PDE4D: variants seen among roughly 807,000 people sequenced by gnomAD.
PDE4D encodes the protein 3',5'-cyclic-AMP phosphodiesterase 4D.
Under a neutral mutation model 87.4 loss-of-function variants are expected in PDE4D, and 24 were observed. The observed-to-expected ratio is 0.27, with a 90% CI of 0.20 to 0.39. The LOEUF is 0.39. PDE4D is among the 10% of genes least tolerant of loss of function. PDE4D has a pLI of 1.00. For synonymous variants in PDE4D, 384 were observed against 383.2 expected (o/e 1.00, Z -0.02); for missense variants, 714 against 1,041.0 (o/e 0.69, Z 4.32).
intron 2 of PDE4D, among the ~76,000 whole-genome samples, chr5:60,077,347 G>T (rs1012634940): frequency 2.0e-5 from 3 of 152,194 alleles, no homozygotes; most frequent in Non-Finnish European, 4.4e-5. Context: ...GTGGCCATTG[G>T]TGAGTATGTG....
chr5:59,218,780 T>A (rs990468210), intron 1 of PDE4D, among the ~76,000 whole-genome samples: 2 of 151,978 alleles, frequency 1.3e-5, no homozygotes, highest in African/African-American at 4.8e-5. Context: ...ATTGATAAAA[T>A]TACATTAATC....
chr5:59,747,676 T>C (rs917751141), intron 1 of PDE4D, among the ~76,000 whole-genome samples: 1 of 152,162 alleles, frequency 6.6e-6, no homozygotes, highest in Non-Finnish European at 1.5e-5. Context: ...TAAGAGACAC[T>C]TTTCATACAC....
intron 2 of PDE4D, among the ~76,000 whole-genome samples, chr5:60,049,494 G>C (rs1420365498): frequency 6.6e-6 from 1 of 152,164 alleles, no homozygotes; most frequent in Non-Finnish European, 1.5e-5. Context: ...CATTTTTGTG[G>C]TTTTATCTAC....
At chr5:59,490,026 T>A (rs1339628619) in intron 1 of PDE4D, among the ~76,000 whole-genome samples, 2 of 152,198 alleles carry the variant, frequency 1.3e-5, no homozygotes, top group Admixed American at 6.5e-5. Context: ...AACATTTTAA[T>A]TGTTTATTAC....
intron 2 of PDE4D, among the ~76,000 whole-genome samples, chr5:60,103,059 T>C (rs1209137481): frequency 2.0e-5 from 3 of 151,364 alleles, no homozygotes; most frequent in Admixed American, 6.6e-5. Context: ...TTATAGAAAA[T>C]TCTCAGAGAA....
chr5:59,072,344 A>G (rs1031546155), intron 5 of PDE4D, among the ~76,000 whole-genome samples: 34 of 152,214 alleles, frequency 2.2e-4, no homozygotes, highest in Non-Finnish European at 1.5e-5. Flanking sequence ...CATTCAACAA[A>G]TATTTGAGCA....
chr5:59,322,486 G>T (rs554853711), intron 1 of PDE4D, among the ~76,000 whole-genome samples: 1 of 152,166 alleles, frequency 6.6e-6, no homozygotes, highest in South Asian at 2.1e-4. Context: ...ACAAATGGAG[G>T]TTACTCTCCT....
At chr5:59,787,318 T>C (rs1765283154) in intron 1 of PDE4D, among the ~76,000 whole-genome samples, 1 of 152,216 alleles carries the variant, frequency 6.6e-6, no homozygotes, top group African/African-American at 2.4e-5. Context: ...CGACATGCCA[T>C]GTCCATTTAA....
At chr5:59,571,317 G>A (rs1008297426) in intron 1 of PDE4D, among the ~76,000 whole-genome samples, 1 of 152,232 alleles carries the variant, frequency 6.6e-6, no homozygotes, top group Non-Finnish European at 1.5e-5. Flanking sequence ...TTGGTGTGAA[G>A]ACTCAGGTAC....
At position 59,291,738 on chromosome 5, in the gene PDE4D, G is replaced by GTTT. The variant is rs57769300; in HGVS notation, c.456-75773_456-75771dup. Among the ~76,000 whole-genome samples, 53 of 125,590 alleles carry GTTT rather than the reference G, an allele frequency of 4.2e-4. 4 individuals are homozygous for GTTT. The highest frequency in any genetic ancestry group is 1.7e-3 in the South Asian group (7 of 4,114). 82.4% of individuals were successfully genotyped at this position (125,590 alleles called of 152,430 possible). On this transcript the variant is annotated intron_variant, in intron 1 of 14. Coordinates refer to ENST00000340635, the MANE Select transcript of PDE4D (RefSeq NM_001104631.2). ...TAAAAATTAAAAAAAGTAAAAAGAA[G>GTTT]TTTTTTTTTTTTTTTTTTGAATGGA...
At chr5:59,594,119 C>T (rs1244262058) in intron 1 of PDE4D, among the ~76,000 whole-genome samples, 8 of 148,918 alleles carry the variant, frequency 5.4e-5, no homozygotes, top group African/African-American at 1.7e-4. Flanking sequence ...TTCCAGCCCA[C>T]GTTAGCCATT....
At chr5:59,343,601 G>A (rs1779132289) in intron 1 of PDE4D, among the ~76,000 whole-genome samples, 1 of 152,142 alleles carries the variant, frequency 6.6e-6, no homozygotes, top group Non-Finnish European at 1.5e-5. Context: ...ATGAATTATT[G>A]AATTGGATAT....
intron 1 of PDE4D, among the ~76,000 whole-genome samples, chr5:59,498,223 G>A (rs1807581696): frequency 6.6e-6 from 1 of 151,414 alleles, no homozygotes; most frequent in South Asian, 2.1e-4. Flanking sequence ...TACCATGAAA[G>A]CACATGCAAG....
chr5:59,337,157 A>G (rs561769241), intron 1 of PDE4D, among the ~76,000 whole-genome samples: 1 of 152,316 alleles, frequency 6.6e-6, no homozygotes, highest in African/African-American at 2.4e-5. Flanking sequence ...TCAAAACCTG[A>G]GCTCCTGCAG....
chr5:59,785,341 C>T (rs1765062367), intron 1 of PDE4D, among the ~76,000 whole-genome samples: 1 of 152,126 alleles, frequency 6.6e-6, no homozygotes, highest in South Asian at 2.1e-4. Flanking sequence ...AAAATTCTGA[C>T]CATAATATTT....
At chr5:59,461,668 C>G (rs537708699) in intron 1 of PDE4D, among the ~76,000 whole-genome samples, 5 of 152,250 alleles carry the variant, frequency 3.3e-5, no homozygotes, top group Admixed American at 1.3e-4. Context: ...TCAGTTCAGT[C>G]AAAATGTTGT....
At chr5:60,400,477 T>G (rs11741484) in intron 1 of PDE4D, among the ~76,000 whole-genome samples, 1 of 118,666 alleles carries the variant, frequency 8.4e-6, no homozygotes, top group Non-Finnish European at 1.6e-5. Flanking sequence ...AGCCAAGATC[T>G]CACCACTGCA....
chr5:60,193,525 C>T (rs1785365960), intron 1 of PDE4D, among the ~76,000 whole-genome samples: 1 of 151,322 alleles, frequency 6.6e-6, no homozygotes, highest in South Asian at 2.1e-4. Flanking sequence ...AAAAAATTAG[C>T]CGGGCGAGGT....
chr5:59,495,793 A>G (rs1807077270), intron 1 of PDE4D, among the ~76,000 whole-genome samples: 1 of 152,132 alleles, frequency 6.6e-6, no homozygotes, highest in Non-Finnish European at 1.5e-5. Flanking sequence ...TCGCTTCTTC[A>G]GTGCCCTGCT....
Sources: allele counts gnomAD v4.1 joint callset (sites outside exome capture counted in the v4.1 genomes callset), GRCh38; gene constraint gnomAD v4.1.1; transcripts MANE v1.5; gene names NCBI Gene and HGNC (gene_info 2026-07-23, HGNC 2026-07-21).